FAT3: variants seen among roughly 807,000 people sequenced by gnomAD.
FAT3 encodes the protein protocadherin Fat 3.
In FAT3, 95 loss-of-function variants were observed where a neutral mutation model predicts 310.2. That is an observed-to-expected ratio of 0.31 (90% CI 0.26 to 0.36). FAT3 has a LOEUF of 0.36. Ranked by LOEUF, FAT3 falls within the 10% of genes least tolerant of loss-of-function variation. The probability of loss-of-function intolerance (pLI) is 1.00; values close to 1 mark genes in which losing one functional copy is unlikely to be tolerated. For synonymous variants in FAT3, 2,314 were observed against 2,192.9 expected (o/e 1.06, Z -1.54); for missense variants, 5,408 against 5,715.6 (o/e 0.95, Z 1.74).
chr11:92,226,584 C>G (rs1019500864), intron 1 of FAT3, among the ~76,000 whole-genome samples: 12 of 151,406 alleles, frequency 7.9e-5, no homozygotes, highest in Non-Finnish European at 1.2e-4. Context: ...TCAAACCAGG[C>G]GGTGGAGAGG....
At chr11:92,290,794 A>G (rs948129408) in intron 1 of FAT3, among the ~76,000 whole-genome samples, 2 of 151,864 alleles carry the variant, frequency 1.3e-5, no homozygotes, top group African/African-American at 2.4e-5. Flanking sequence ...ATAAAAATAT[A>G]TTTTAAAAGA....
intron 3 of FAT3, among the ~76,000 whole-genome samples, chr11:92,621,284 T>A (rs907398479): frequency 3.9e-5 from 6 of 152,158 alleles, no homozygotes; most frequent in Non-Finnish European, 8.8e-5. Flanking sequence ...TCCAAACAGA[T>A]AAATTGAAGG....
chr11:92,317,457 G>A (rs758622179), intron 1 of FAT3, among the ~76,000 whole-genome samples: 9 of 152,098 alleles, frequency 5.9e-5, no homozygotes, highest in Non-Finnish European at 8.8e-5. Context: ...AGGCAGGGTT[G>A]GTTTGGTAGG....
intron 13 of FAT3, among the ~76,000 whole-genome samples, chr11:92,823,156 A>G (rs1948014606): frequency 6.6e-6 from 1 of 152,144 alleles, no homozygotes; most frequent in Admixed American, 6.5e-5. Context: ...GGAGTTAAGT[A>G]TTTCTTGGAT....
intron 4 of FAT3, among the ~76,000 whole-genome samples, chr11:92,709,509 C>T (rs1944457123): frequency 6.6e-6 from 1 of 152,192 alleles, no homozygotes; most frequent in Non-Finnish European, 1.5e-5. Context: ...CCTGGCCCTA[C>T]CTTTAGTGAA....
At chr11:92,738,081 A>G (rs201971176) in intron 4 of FAT3, among the ~76,000 whole-genome samples, 2 of 152,128 alleles carry the variant, frequency 1.3e-5, no homozygotes, top group East Asian at 1.9e-4. Context: ...CTTTTCTTCT[A>G]TAGCATTTCA....
chr11:92,771,087 C>T (rs746699658), intron 6 of FAT3, among the ~76,000 whole-genome samples: 57 of 152,166 alleles, frequency 3.7e-4, no homozygotes, highest in Non-Finnish European at 6.8e-4. Context: ...TGCAGCAACG[C>T]TCAGGCTGTG....
chr11:92,888,614 A>G (rs375093183), intron 25 of FAT3, among the ~76,000 whole-genome samples: 3 of 152,202 alleles, frequency 2.0e-5, no homozygotes, highest in African/African-American at 7.2e-5. Flanking sequence ...CTCCTTCTCT[A>G]TTCTAATTAT....
At chr11:92,339,335 A>T (rs1948177970) in intron 1 of FAT3, among the ~76,000 whole-genome samples, 2 of 152,178 alleles carry the variant, frequency 1.3e-5, no homozygotes, top group Admixed American at 1.3e-4. Context: ...TCTATGGGAA[A>T]ACACTGATCT....
chr11:92,442,081 T>TTTATATATATATA (rs1355599282), intron 2 of FAT3, among the ~76,000 whole-genome samples: 4 of 69,992 alleles, frequency 5.7e-5, no homozygotes, highest in African/African-American at 3.3e-4. Flanking sequence ...AATATATATT[T>TTTATATATATATA]TATATATATA....
intron 1 of FAT3, among the ~76,000 whole-genome samples, chr11:92,242,202 G>A (rs549514409): frequency 5.3e-5 from 8 of 152,134 alleles, no homozygotes; most frequent in South Asian, 2.1e-4. Context: ...TTAAGGTATC[G>A]AATCAAACAC....
intron 3 of FAT3, among the ~76,000 whole-genome samples, chr11:92,597,397 A>G (rs1000247991): frequency 2.0e-5 from 3 of 152,226 alleles, no homozygotes; most frequent in African/African-American, 7.2e-5. Context: ...CCAGATTCAG[A>G]GAACCAATGA....
chr11:92,721,130 C>T (rs1449265068), intron 4 of FAT3, among the ~76,000 whole-genome samples: 1 of 152,140 alleles, frequency 6.6e-6, no homozygotes, highest in Non-Finnish European at 1.5e-5. Context: ...TATTGTCCCC[C>T]AATACCATGT....
At chr11:92,814,613 G>A (rs1192682723) in intron 13 of FAT3, among the ~76,000 whole-genome samples, 1 of 152,286 alleles carries the variant, frequency 6.6e-6, no homozygotes, top group Middle Eastern at 3.4e-3. Context: ...GTTAAAGGGT[G>A]AATAGTAGTA....
intron 1 of FAT3, among the ~76,000 whole-genome samples, chr11:92,255,939 C>T (rs1246686411): frequency 7.2e-5 from 11 of 151,984 alleles, no homozygotes; most frequent in Admixed American, 5.9e-4. Context: ...CCCAAAGAGT[C>T]GAAATGTGGA....
chr11:92,708,056 T>C (rs1944410844), intron 4 of FAT3, among the ~76,000 whole-genome samples: 1 of 152,200 alleles, frequency 6.6e-6, no homozygotes, highest in South Asian at 2.1e-4. Context: ...CCTCATCTAT[T>C]TTGTGGCAAT....
At chr11:92,494,702 A>G (rs889657087) in intron 2 of FAT3, among the ~76,000 whole-genome samples, 2 of 152,082 alleles carry the variant, frequency 1.3e-5, no homozygotes, top group Non-Finnish European at 2.9e-5. Flanking sequence ...TTTATAGCCA[A>G]GCCATCCTAT....
intron 4 of FAT3, among the ~76,000 whole-genome samples, chr11:92,736,898 A>G (rs1468916702): frequency 6.6e-6 from 1 of 152,112 alleles, no homozygotes; most frequent in Non-Finnish European, 1.5e-5. Flanking sequence ...ACTCCTGCCC[A>G]TCTCACTGAT....
At chr11:92,596,812 C>T (rs1171965172) in intron 3 of FAT3, among the ~76,000 whole-genome samples, 1 of 152,196 alleles carries the variant, frequency 6.6e-6, no homozygotes, top group Non-Finnish European at 1.5e-5. Flanking sequence ...AGCTTAAATG[C>T]AGTTACTGTG....
Sources: allele counts gnomAD v4.1 joint callset (sites outside exome capture counted in the v4.1 genomes callset), GRCh38; gene constraint gnomAD v4.1.1; transcripts MANE v1.5; gene names NCBI Gene and HGNC (gene_info 2026-07-23, HGNC 2026-07-21).